PAQR5: variants seen among roughly 807,000 people sequenced by gnomAD.
PAQR5 encodes the protein progestin and adipoQ receptor family member 5.
Under a neutral mutation model 34.5 loss-of-function variants are expected in PAQR5, and 20 were observed. That is an observed-to-expected ratio of 0.58 (90% CI 0.41 to 0.84). The LOEUF is 0.84. Ranked by LOEUF, PAQR5 falls within the 40% of genes least tolerant of loss-of-function variation. The pLI is 0.00. For synonymous variants in PAQR5, 131 were observed against 155.6 expected (o/e 0.84, Z 1.18); for missense variants, 378 against 412.7 (o/e 0.92, Z 0.73).
Position 69,315,775 on chromosome 15 carries a change from C to T in PAQR5, c.-277+16719C>T, listed in dbSNP as rs76754031. Among the ~76,000 whole-genome samples the T allele has an allele frequency of 2.3e-4, 35 of 152,320 alleles. No individual in the cohort carries two copies. The East Asian group carries it at 6.4e-3, about 28-fold the overall frequency. On this transcript the variant is annotated intron_variant, in intron 1 of 8. Coordinates refer to ENST00000395407, the MANE Select transcript of PAQR5 (RefSeq NM_017705.4). ...GGGCAAAGTGAATCATTTCCCATGACAAGCAATGGCAGTTGGAGCTCTGGG... is the reference window on the plus strand; with the variant it reads ...GGGCAAAGTGAATCATTTCCCATGATAAGCAATGGCAGTTGGAGCTCTGGG...
intron 3 of PAQR5, among the ~76,000 whole-genome samples, chr15:69,367,714 GA>G (rs1299341530): frequency 6.6e-6 from 1 of 152,228 alleles, no homozygotes; most frequent in Admixed American, 6.5e-5. Context: ...CAGACTTTGA[GA>G]AAAAGATTCG....
chr15:69,302,982 C>A (rs1424025151), intron 1 of PAQR5, among the ~76,000 whole-genome samples: 1 of 152,184 alleles, frequency 6.6e-6, no homozygotes, highest in Non-Finnish European at 1.5e-5. Flanking sequence ...TTCTGATGGC[C>A]TATAGATTTC....
intron 3 of PAQR5, among the ~76,000 whole-genome samples, chr15:69,365,335 T>C (rs1222965663): frequency 6.6e-6 from 1 of 151,438 alleles, no homozygotes; most frequent in Non-Finnish European, 1.5e-5. Flanking sequence ...CTCAAACTCC[T>C]GACCTCAGGT....
chr15:69,355,689 G>T (rs1394342836), intron 2 of PAQR5, among the ~76,000 whole-genome samples: 1 of 152,022 alleles, frequency 6.6e-6, no homozygotes, highest in Non-Finnish European at 1.5e-5. Context: ...CCAAAGTGCT[G>T]GGATTACAGG....
At chr15:69,397,117 T>C in intron 6 of PAQR5, 3 of 440,868 alleles carry the variant, frequency 6.8e-6, no homozygotes, top group Non-Finnish European at 9.2e-6. Flanking sequence ...CCCCTACCCG[T>C]TCCCTGTCCC....
chr15:69,305,533 G>A (rs1407006126), intron 1 of PAQR5, among the ~76,000 whole-genome samples: 1 of 152,112 alleles, frequency 6.6e-6, no homozygotes, highest in Non-Finnish European at 1.5e-5. Context: ...CTCGGAGTGA[G>A]GGGGAGAGAG....
intron 1 of PAQR5, among the ~76,000 whole-genome samples, chr15:69,299,989 GGCCCAACAAA>G (rs2053494386): frequency 1.3e-5 from 2 of 152,188 alleles, no homozygotes; most frequent in African/African-American, 4.8e-5. Flanking sequence ...AAGACAAGGA[GGCCCAACAAA>G]GCTCAGCCAT....
At chr15:69,397,318 G>A (rs1260149774) in intron 6 of PAQR5, 150 bp from the exon 7 acceptor site, 6 of 716,236 alleles carry the variant, frequency 8.4e-6, no homozygotes, top group African/African-American at 1.7e-5. Flanking sequence ...AATGGACGAG[G>A]CTGGTGGAGA....
rs374622855 is a variant in PAQR5, at chr15:69,312,684, T to C, written c.-277+13628T>C. On this transcript the variant is annotated intron_variant, in intron 1 of 8. Coordinates refer to ENST00000395407, the MANE Select transcript of PAQR5 (RefSeq NM_017705.4). ...CCCATACCTGGTGACTGCTTCTGAC[T>C]TTCCAGGGGCATTTGACTTGAGAAA... Among the ~76,000 whole-genome samples the C allele has an allele frequency of 4.6e-5, 7 of 151,870 alleles. No homozygotes were observed. In the East Asian group the frequency reaches 1.2e-3, roughly 25 times the overall value.
chr15:69,391,037 T>TG (rs1234549287), intron 6 of PAQR5, among the ~76,000 whole-genome samples: 6 of 152,106 alleles, frequency 3.9e-5, no homozygotes, highest in African/African-American at 1.4e-4. Flanking sequence ...ACTTTTGGGC[T>TG]GGGGGCCTTT....
chr15:69,401,225 TGAGTACATGG>T (rs2056617854), intron 8 of PAQR5, among the ~76,000 whole-genome samples: 1 of 152,014 alleles, frequency 6.6e-6, no homozygotes, highest in Non-Finnish European at 1.5e-5. Flanking sequence ...GTTCCTTAGG[TGAGTACATGG>T]GAATCAAAGG....
intron 3 of PAQR5, among the ~76,000 whole-genome samples, chr15:69,372,094 C>T (rs547783902): frequency 6.6e-6 from 1 of 152,256 alleles, no homozygotes; most frequent in South Asian, 2.1e-4. Flanking sequence ...TTGAACTATT[C>T]CATAGAAAAT....
chr15:69,306,398 A>T, intron 1 of PAQR5, among the ~76,000 whole-genome samples: 1 of 146,386 alleles, frequency 6.8e-6, no homozygotes, highest in Non-Finnish European at 1.5e-5. Flanking sequence ...ACCATTTAAA[A>T]TTTACCATTT....
chr15:69,318,481 C>T (rs188762292), intron 1 of PAQR5, among the ~76,000 whole-genome samples: 1 of 152,124 alleles, frequency 6.6e-6, no homozygotes. Context: ...ATGGGGTTCT[C>T]TTTGAGGGCA....
intron 5 of PAQR5, among the ~76,000 whole-genome samples, chr15:69,389,216 G>A (rs561001323): frequency 2.6e-5 from 4 of 152,306 alleles, no homozygotes; most frequent in South Asian, 4.1e-4. Flanking sequence ...AGCTCGCTGG[G>A]TCTGTCGTCA....
intron 1 of PAQR5, among the ~76,000 whole-genome samples, chr15:69,326,314 G>A (rs2054250235): frequency 6.6e-6 from 1 of 152,192 alleles, no homozygotes; most frequent in Admixed American, 6.5e-5. Context: ...TCCATGTGAA[G>A]AAGCTGTGTT....
chr15:69,338,209 A>G (rs1451166292), intron 2 of PAQR5, among the ~76,000 whole-genome samples: 1 of 152,206 alleles, frequency 6.6e-6, no homozygotes, highest in Admixed American at 6.5e-5. Flanking sequence ...TAACTGCCCA[A>G]GGGGTTCACC....
At chr15:69,300,626 T>TCCC (rs1566985282) in intron 1 of PAQR5, among the ~76,000 whole-genome samples, 1 of 50,228 alleles carries the variant, frequency 2.0e-5, no homozygotes, top group African/African-American at 6.8e-5. Flanking sequence ...TCTTTCTTTC[T>TCCC]TTCTTTCTTT....
chr15:69,373,737 G>A (rs1246771616), intron 3 of PAQR5, among the ~76,000 whole-genome samples: 1 of 152,100 alleles, frequency 6.6e-6, no homozygotes, highest in African/African-American at 2.4e-5. Flanking sequence ...CAGAGTAGCT[G>A]GGACTACAGG....
Sources: gnomAD v4.1 joint callset for allele counts (sites outside exome capture counted in the v4.1 genomes callset) on GRCh38, gnomAD v4.1.1 for gene constraint, MANE v1.5 for transcripts, NCBI Gene and HGNC (gene_info 2026-07-23, HGNC 2026-07-21) for gene names.